Variants in CHSY3 observed in about 807,000 individuals in gnomAD.
The protein encoded by CHSY3 is chondroitin sulfate synthase 3.
A neutral mutation model predicts 67.2 loss-of-function variants in CHSY3; 35 were observed. The ratio of observed to expected loss-of-function variants is 0.52; its 90% CI spans 0.40 to 0.69. The LOEUF (loss-of-function observed/expected upper bound fraction) is 0.69, where lower values mean the gene tolerates loss of function less well. Among genes scored for constraint, CHSY3 ranks in the 30% least tolerant of loss-of-function variants. The pLI is 0.00. For missense variants in CHSY3, 1,069 were observed against 1,138.5 expected (o/e 0.94, Z 0.88); for synonymous variants, 474 against 434.7 (o/e 1.09, Z -1.12).
chr5:129,947,427 T>C (rs10054029), intron 2 of CHSY3, among the ~76,000 whole-genome samples: 67,264 of 151,848 alleles, frequency 0.44, 15,704 homozygotes, highest in African/African-American at 0.6. Context: ...AGTTCAAGAC[T>C]AGCCTGGCCA....
At chr5:130,051,908 A>C (rs897773288) in intron 2 of CHSY3, among the ~76,000 whole-genome samples, 1 of 150,784 alleles carries the variant, frequency 6.6e-6, no homozygotes, top group Non-Finnish European at 1.5e-5. Context: ...CAGTAGTAGA[A>C]TTGGGAATGA....
intron 2 of CHSY3, among the ~76,000 whole-genome samples, chr5:129,986,075 C>G (rs746436165): frequency 1.3e-5 from 2 of 152,056 alleles, no homozygotes; most frequent in Non-Finnish European, 2.9e-5. Flanking sequence ...GAATAGGAGT[C>G]ATGAGAATGG....
intron 2 of CHSY3, among the ~76,000 whole-genome samples, chr5:130,136,248 G>A (rs1382847405): frequency 2.0e-5 from 3 of 152,168 alleles, no homozygotes; most frequent in Non-Finnish European, 4.4e-5. Context: ...CAGAGGTAGA[G>A]AAGTGGGAAA....
intron 2 of CHSY3, among the ~76,000 whole-genome samples, chr5:129,923,257 C>A (rs1414727705): frequency 6.6e-6 from 1 of 151,420 alleles, no homozygotes; most frequent in South Asian, 2.1e-4. Context: ...TAATAATATT[C>A]CTAGAGATAG....
intron 2 of CHSY3, among the ~76,000 whole-genome samples, chr5:130,044,523 G>T (rs1765090051): frequency 6.6e-6 from 1 of 152,106 alleles, no homozygotes; most frequent in African/African-American, 2.4e-5. Context: ...TTGCTGGAGA[G>T]AATATGAAGT....
intron 2 of CHSY3, among the ~76,000 whole-genome samples, chr5:130,060,336 C>A (rs1362854147): frequency 2.0e-5 from 3 of 152,092 alleles, no homozygotes; most frequent in African/African-American, 7.2e-5. Flanking sequence ...CCAATAGATG[C>A]AGAAAAGGCA....
chr5:130,053,603 C>T (rs1184401005), intron 2 of CHSY3, among the ~76,000 whole-genome samples: 1 of 152,114 alleles, frequency 6.6e-6, no homozygotes, highest in Non-Finnish European at 1.5e-5. Flanking sequence ...ATACCCTTAT[C>T]TTTATTACGT....
chr5:129,961,829 A>G (rs1393326820), intron 2 of CHSY3, among the ~76,000 whole-genome samples: 2 of 151,982 alleles, frequency 1.3e-5, no homozygotes, highest in East Asian at 3.9e-4. Flanking sequence ...TTTTTAAAAA[A>G]ACTTTCAATA....
intron 2 of CHSY3, among the ~76,000 whole-genome samples, chr5:130,137,541 C>T (rs970987399): frequency 3.9e-5 from 6 of 152,130 alleles, no homozygotes; most frequent in Non-Finnish European, 8.8e-5. Flanking sequence ...GAGGGTATGT[C>T]AGAAATGTTG....
At chr5:130,155,454 G>A (rs1475481324) in intron 2 of CHSY3, among the ~76,000 whole-genome samples, 1 of 152,144 alleles carries the variant, frequency 6.6e-6, no homozygotes, top group Non-Finnish European at 1.5e-5. Context: ...GGAATGAAGT[G>A]TTTATTTCAT....
At chr5:130,062,581 C>T (rs754400764) in intron 2 of CHSY3, among the ~76,000 whole-genome samples, 56 of 151,936 alleles carry the variant, frequency 3.7e-4, no homozygotes, top group Non-Finnish European at 4.4e-4. Context: ...AACTTGTTTT[C>T]GTACTTTAAG....
At chr5:130,150,803 T>C (rs1769214507) in intron 2 of CHSY3, among the ~76,000 whole-genome samples, 1 of 152,208 alleles carries the variant, frequency 6.6e-6, no homozygotes, top group Admixed American at 6.5e-5. Context: ...CCATCTTTTC[T>C]GAATCTCTAT....
At chr5:130,106,823 G>A (rs1174872143) in intron 2 of CHSY3, among the ~76,000 whole-genome samples, 1 of 151,552 alleles carries the variant, frequency 6.6e-6, no homozygotes, top group Non-Finnish European at 1.5e-5. Context: ...AAGGAAACAT[G>A]GAAATTAGGC....
At chr5:130,095,874 T>C (rs1387191679) in intron 2 of CHSY3, among the ~76,000 whole-genome samples, 8 of 152,220 alleles carry the variant, frequency 5.3e-5, no homozygotes, top group African/African-American at 1.9e-4. Context: ...CGTATAGTCA[T>C]AATGAACCCC....
chr5:130,007,873 C>G (rs149451368), intron 2 of CHSY3, among the ~76,000 whole-genome samples: 1 of 152,104 alleles, frequency 6.6e-6, no homozygotes, highest in Non-Finnish European at 1.5e-5. Flanking sequence ...TCTCAGTGTC[C>G]CTGTCTGGCC....
rs1366263723 is a variant in CHSY3, at chr5:129,904,561, T to TGCCGCCACC, written c.-262_-254dup. ...CTCCAGCTGCCGCTGCTGCCGCCGC[T>TGCCGCCACC]GCCGCCACCGCCGCCGCCGGGAGAA... On this transcript the variant is annotated 5_prime_UTR_variant, in exon 1 of 3. Coordinates refer to ENST00000305031, the MANE Select transcript of CHSY3 (RefSeq NM_175856.5). 1.0e-5 allele frequency: 4 copies of TGCCGCCACC among 395,184 alleles called. No individual in the cohort carries two copies. Among genetic ancestry groups the TGCCGCCACC allele is most frequent in the African/African-American group, 4.3e-5 (2 of 46,724 alleles). 24.5% of individuals were successfully genotyped at this position (395,184 alleles called of 1,614,324 possible).
At chr5:129,910,774 T>C (rs1760511270) in intron 2 of CHSY3, among the ~76,000 whole-genome samples, 1 of 152,038 alleles carries the variant, frequency 6.6e-6, no homozygotes, top group Admixed American at 6.5e-5. Flanking sequence ...CCATATATGA[T>C]ACTGTTCATA....
chr5:130,144,819 C>T (rs1769022541), intron 2 of CHSY3, among the ~76,000 whole-genome samples: 1 of 152,090 alleles, frequency 6.6e-6, no homozygotes, highest in South Asian at 2.1e-4. Context: ...CAAGAAATAT[C>T]TGAGATGGGG....
intron 2 of CHSY3, among the ~76,000 whole-genome samples, chr5:129,992,433 C>A (rs1021222258): frequency 6.6e-6 from 1 of 152,070 alleles, no homozygotes; most frequent in African/African-American, 2.4e-5. Flanking sequence ...TGAATTATTG[C>A]TCTTTTTAAT....
Sources: gnomAD v4.1 joint callset for allele counts (sites outside exome capture counted in the v4.1 genomes callset) on GRCh38, gnomAD v4.1.1 for gene constraint, MANE v1.5 for transcripts, NCBI Gene and HGNC (gene_info 2026-07-23, HGNC 2026-07-21) for gene names.